Variants in DENND2A observed in about 807,000 individuals in gnomAD.
DENND2A encodes the protein DENN domain containing 2A, also known as DENN domain-containing protein 2A.
Under a neutral mutation model 105.3 loss-of-function variants are expected in DENND2A, and 53 were observed. The observed-to-expected ratio is 0.50, with a 90% CI of 0.40 to 0.63. DENND2A has a LOEUF of 0.63. Among genes scored for constraint, DENND2A ranks in the 30% least tolerant of loss-of-function variants. The probability of loss-of-function intolerance (pLI) is 0.00; values close to 1 mark genes in which losing one functional copy is unlikely to be tolerated. For missense variants in DENND2A, 1,138 were observed against 1,279.6 expected (o/e 0.89, Z 1.69); for synonymous variants, 522 against 508.4 (o/e 1.03, Z -0.36).
intron 1 of DENND2A, among the ~76,000 whole-genome samples, chr7:140,632,267 T>A (rs1457036386): frequency 3.3e-5 from 5 of 152,178 alleles, no homozygotes; most frequent in Non-Finnish European, 5.9e-5. Context: ...ATCTGACTCC[T>A]CTGATTCATT....
intron 1 of DENND2A, among the ~76,000 whole-genome samples, chr7:140,619,432 T>G (rs7787161): frequency 6.6e-6 from 1 of 151,836 alleles, no homozygotes; most frequent in South Asian, 2.1e-4. Context: ...TCCAGGGTGA[T>G]GAAAGTGTTC....
At chr7:140,632,847 G>A (rs1019407668) in intron 1 of DENND2A, among the ~76,000 whole-genome samples, 2 of 146,674 alleles carry the variant, frequency 1.4e-5, no homozygotes, top group African/African-American at 2.5e-5. Context: ...TTACAGGCAT[G>A]AGCCACCATG....
At position 140,602,158 on chromosome 7, in the gene DENND2A, C is replaced by T. The variant is rs765961680; in HGVS notation, c.240G>A (p.Val80=). The change falls in exon 3 of 20, where the codon GTG becomes GTA. Residue 80 remains valine (V), a synonymous_variant. Transcript: ENST00000496613. ...GQEDYLPSST[V]ERRSSDGVRT... ...TCACCCCATCACTACTCCTCCTCTC[C>T]ACCGTAGAGGACGGCAGATAATCCT... is the stretch of plus-strand genomic sequence containing the variant. 6.2e-6 allele frequency: 10 copies of T among 1,614,098 alleles called. No individual in the cohort carries two copies. In the Admixed American group the frequency reaches 1.0e-4, roughly 16 times the overall value.
intron 1 of DENND2A, among the ~76,000 whole-genome samples, chr7:140,637,780 C>T (rs1801006167): frequency 6.6e-6 from 1 of 152,180 alleles, no homozygotes; most frequent in South Asian, 2.1e-4. Flanking sequence ...GTCCCCTTCT[C>T]AGACCACAGT....
intron 5 of DENND2A, among the ~76,000 whole-genome samples, chr7:140,574,382 C>A (rs1190644755): frequency 6.6e-6 from 1 of 152,050 alleles, no homozygotes; most frequent in African/African-American, 2.4e-5. Flanking sequence ...CCACGCCCAG[C>A]TAATTTTTCG....
chr7:140,580,047 G>C (rs1367249636), intron 5 of DENND2A, among the ~76,000 whole-genome samples: 1 of 152,092 alleles, frequency 6.6e-6, no homozygotes, highest in African/African-American at 2.4e-5. Flanking sequence ...GACAGAGGTT[G>C]CAGTGAGCTG....
At chr7:140,615,532 C>CTTTTTTTTT (rs57498403) in intron 1 of DENND2A, among the ~76,000 whole-genome samples, 1 of 140,938 alleles carries the variant, frequency 7.1e-6, no homozygotes, top group Non-Finnish European at 1.6e-5. Flanking sequence ...AGGAGTTCTG[C>CTTTTTTTTT]TTTTTTTTTT....
At chr7:140,628,629 T>A (rs1034731491) in intron 1 of DENND2A, among the ~76,000 whole-genome samples, 1 of 144,276 alleles carries the variant, frequency 6.9e-6, no homozygotes, top group East Asian at 2.2e-4. Context: ...AACCTCTGCC[T>A]CCCAGGTTCA....
In DENND2A at chr7:140,640,475, C is replaced by G. The variant is rs1801159512; in HGVS notation, c.-248+29G>C. The G allele has an allele frequency of 6.6e-6, 1 of 151,920 alleles. No homozygotes were observed. The highest frequency in any genetic ancestry group is 1.5e-5 in the Non-Finnish European group (1 of 68,032). The allele number at this position is 151,920 out of a possible 1,614,324, so 9.4% of individuals were successfully genotyped here. A position where few individuals can be genotyped will look rare whatever the true frequency, so the allele number is the denominator to read the frequency against. On this transcript the variant is annotated intron_variant, in intron 1 of 19. Coordinates refer to ENST00000496613, the MANE Select transcript of DENND2A (RefSeq NM_015689.5). The surrounding 1 kb of genome is among the most constrained non-coding windows in gnomAD (Gnocchi z 4.9). ...TCCCCTTTCCCTCCCCAGCTCGACC[C>G]TGCACCCCCTGGCCCGGCCCGGCCC...
intron 9 of DENND2A, among the ~76,000 whole-genome samples, chr7:140,563,431 T>C (rs1797708967): frequency 6.6e-6 from 1 of 152,102 alleles, no homozygotes; most frequent in African/African-American, 2.4e-5. Flanking sequence ...CCAGTCTCCC[T>C]GAACTGTCAA....
intron 1 of DENND2A, among the ~76,000 whole-genome samples, chr7:140,630,825 C>T (rs904697501): frequency 9.2e-5 from 14 of 152,168 alleles, no homozygotes; most frequent in Non-Finnish European, 1.6e-4. Context: ...CATGCCACTG[C>T]GCTCCAGCCT....
intron 1 of DENND2A, among the ~76,000 whole-genome samples, chr7:140,633,421 C>A (rs7793009): frequency 6.6e-6 from 1 of 152,058 alleles, no homozygotes. Flanking sequence ...GCCCAAAGTG[C>A]TAGAATTACA....
chr7:140,552,478 C>T lies in DENND2A; in HGVS notation c.2037+3158G>A, dbSNP rs368096559. 8.3e-4 allele frequency among the ~76,000 whole-genome samples: 126 copies of T among 152,154 alleles called. 4 individuals are homozygous for T. In the South Asian group the frequency reaches 0.023, roughly 28 times the overall value. ...GTGTGAACATGACTCGCTGCAGCCTCAGCCTCCTAGGCTCAAGCAATCCTC... is the reference window on the plus strand; with the variant it reads ...GTGTGAACATGACTCGCTGCAGCCTTAGCCTCCTAGGCTCAAGCAATCCTC... On this transcript the variant is annotated intron_variant, in intron 12 of 19. Transcript: ENST00000496613.
intron 6 of DENND2A, among the ~76,000 whole-genome samples, 161 bp downstream of exon 6, chr7:140,573,647 C>T (rs1188369255): frequency 1.3e-5 from 2 of 152,146 alleles, no homozygotes; most frequent in South Asian, 2.1e-4. Context: ...GACGAAGGTC[C>T]GGATATTCCA....
chr7:140,573,120 T>G (rs1296336017), intron 6 of DENND2A, among the ~76,000 whole-genome samples: 1 of 152,196 alleles, frequency 6.6e-6, no homozygotes. Context: ...GGGTCTTACA[T>G]TTTTCTTTTG....
intron 3 of DENND2A, among the ~76,000 whole-genome samples, chr7:140,600,713 A>G (rs1400328226): frequency 6.6e-6 from 1 of 152,166 alleles, no homozygotes; most frequent in Non-Finnish European, 1.5e-5. Context: ...AGGTGAAATG[A>G]TGAAAGGGAG....
rs1454290650 is a variant in DENND2A, at chr7:140,525,777, G to C, written c.2521C>G (p.Leu841Val). 1 of 1,605,326 alleles carries C rather than the reference G, an allele frequency of 6.2e-7. No homozygotes were observed. Among genetic ancestry groups the C allele is most frequent in the Admixed American group, 1.7e-5 (1 of 59,048 alleles). ...LPLEEVLVVD[L>V]VNSRFLRQMD... ...TGTCTGAGGAACCGGCTGTTGACGA[G>C]GTCAACCACAAGGACCTATGAGATG... Residue 841 changes from leucine (L) to valine (V), a missense_variant, in exon 16 of 20, where the codon CTC becomes GTC. Physicochemically the swap from Leu to Val is conservative, Grantham distance 32. Coordinates refer to ENST00000496613, the MANE Select transcript of DENND2A (RefSeq NM_015689.5).
chr7:140,574,471 A>T lies in DENND2A; in HGVS notation c.1246-463T>A, dbSNP rs1585667834. 7.9e-5 allele frequency among the ~76,000 whole-genome samples: 12 copies of T among 152,134 alleles called. No homozygotes were observed. In the South Asian group the frequency reaches 2.5e-3, roughly 32 times the overall value. ...TAAGCTCAGGCAATCCGCCTGCCTC[A>T]GCCTCCCAAAGTGCTAGGATTACAG... On this transcript the variant is annotated intron_variant, in intron 5 of 19. Transcript: ENST00000496613.
intron 14 of DENND2A, among the ~76,000 whole-genome samples, chr7:140,530,273 T>C (rs960901034): frequency 6.6e-6 from 1 of 152,152 alleles, no homozygotes; most frequent in African/African-American, 2.4e-5. Context: ...ATGCCATCTT[T>C]ATATGACAAT....
Sources: allele counts gnomAD v4.1 joint callset (sites outside exome capture counted in the v4.1 genomes callset), GRCh38; gene constraint gnomAD v4.1.1; non-coding constraint Gnocchi (gnomAD v3.1); transcripts MANE v1.5; gene names NCBI Gene and HGNC (gene_info 2026-07-23, HGNC 2026-07-21).